AGAP1: variants seen among roughly 807,000 people sequenced by gnomAD.
AGAP1 encodes the protein ArfGAP with GTPase domain, ankyrin repeat and PH domain 1.
In AGAP1, 29 loss-of-function variants were observed where a neutral mutation model predicts 105.3. That is an observed-to-expected ratio of 0.28 (90% CI 0.21 to 0.38). AGAP1 has a LOEUF of 0.38. Among genes scored for constraint, AGAP1 ranks in the 10% least tolerant of loss-of-function variants. AGAP1 has a pLI of 1.00. For missense variants in AGAP1, 998 were observed against 1,165.1 expected (o/e 0.86, Z 2.09); for synonymous variants, 509 against 485.9 (o/e 1.05, Z -0.63).
intron 1 of AGAP1, among the ~76,000 whole-genome samples, chr2:235,605,353 G>A (rs1945892882): frequency 1.3e-5 from 2 of 152,334 alleles, no homozygotes; most frequent in South Asian, 4.1e-4. Flanking sequence ...AGGAAAGGGA[G>A]ATTGTAACCA....
chr2:235,576,171 C>A (rs1432428435), intron 1 of AGAP1, among the ~76,000 whole-genome samples: 1 of 152,136 alleles, frequency 6.6e-6, no homozygotes, highest in Non-Finnish European at 1.5e-5. Context: ...TGGGTCCATA[C>A]CTGGCGCAAC....
intron 1 of AGAP1, among the ~76,000 whole-genome samples, chr2:235,536,747 G>A (rs1161801735): frequency 6.6e-6 from 1 of 151,874 alleles, no homozygotes; most frequent in Non-Finnish European, 1.5e-5. Flanking sequence ...AGTCTGTTTG[G>A]CATCCCCAAG....
chr2:236,025,099 T>A (rs2057010525), intron 13 of AGAP1, among the ~76,000 whole-genome samples: 2 of 152,230 alleles, frequency 1.3e-5, no homozygotes, highest in African/African-American at 4.8e-5. Flanking sequence ...ATGCTTTTAA[T>A]AGATATACCA....
At chr2:235,680,725 C>G (rs1949019663) in intron 1 of AGAP1, among the ~76,000 whole-genome samples, 1 of 151,838 alleles carries the variant, frequency 6.6e-6, no homozygotes, top group Non-Finnish European at 1.5e-5. Context: ...TGAGCTTCTC[C>G]TTGTTGGGAA....
At chr2:235,978,225 A>C (rs1328731665) in intron 13 of AGAP1, among the ~76,000 whole-genome samples, 1 of 152,250 alleles carries the variant, frequency 6.6e-6, no homozygotes, top group Non-Finnish European at 1.5e-5. Flanking sequence ...ACAAACATTC[A>C]GTCTGTAGGA....
intron 6 of AGAP1, among the ~76,000 whole-genome samples, chr2:235,774,628 T>C (rs913374252): frequency 1.3e-5 from 2 of 152,224 alleles, no homozygotes; most frequent in African/African-American, 4.8e-5. Flanking sequence ...GTGATTAAAA[T>C]AGTCGTTAGG....
rs2059709170 is a variant in AGAP1 at position 236,113,847 on chromosome 2, T to G, written c.2115-6345T>G. 6.6e-6 allele frequency among the ~76,000 whole-genome samples: 1 copy of G among 152,190 alleles called. No individual in the cohort carries two copies. The highest frequency in any genetic ancestry group is 2.4e-5 in the African/African-American group (1 of 41,444). ...CTGGCTGTCCCTGTGGATGGCTTCC[T>G]GTCATGGCCCAGAGAGAGGTAAAGA... On this transcript the variant is annotated intron_variant, in intron 16 of 17. Coordinates refer to ENST00000304032, the MANE Select transcript of AGAP1 (RefSeq NM_001037131.3). The surrounding 1 kb of genome is among the most constrained non-coding windows in gnomAD (Gnocchi z 4.3).
intron 12 of AGAP1, among the ~76,000 whole-genome samples, chr2:235,935,339 A>G (rs1289625308): frequency 1.3e-5 from 2 of 152,202 alleles, no homozygotes; most frequent in Admixed American, 6.5e-5. Context: ...AATTTTTTAA[A>G]TGCAGAAACA....
At chr2:235,857,587 G>A (rs1343402570) in intron 9 of AGAP1, among the ~76,000 whole-genome samples, 1 of 152,192 alleles carries the variant, frequency 6.6e-6, no homozygotes, top group East Asian at 1.9e-4. Flanking sequence ...GATACACCAA[G>A]AACATGGATG....
chr2:235,829,755 G>A lies in AGAP1; in HGVS notation c.1050+22424G>A, dbSNP rs966691960. Among the ~76,000 whole-genome samples the A allele has an allele frequency of 2.0e-5, 3 of 152,186 alleles. No homozygotes were observed. In the East Asian group the frequency reaches 5.8e-4, roughly 29 times the overall value. ...CCTGATGGTATCGTCCATCCTTGCA[G>A]CAGTGGGTGGCCCCTCTGTGCTGGG... On this transcript the variant is annotated intron_variant, in intron 9 of 17. Coordinates refer to ENST00000304032, the MANE Select transcript of AGAP1 (RefSeq NM_001037131.3).
rs985196129 is a variant in AGAP1 at position 235,622,185 on chromosome 2, T to A, written c.164-86994T>A. Among the ~76,000 whole-genome samples, 2 of 152,222 alleles carry A rather than the reference T, an allele frequency of 1.3e-5. No individual in the cohort carries two copies. The highest frequency in any genetic ancestry group is 4.8e-5 in the African/African-American group (2 of 41,452). On this transcript the variant is annotated intron_variant, in intron 1 of 17. Transcript: ENST00000304032. The surrounding 1 kb of genome is among the most constrained non-coding windows in gnomAD (Gnocchi z 5.0). ...AAAGTAGCTTAGGTTTTATAAAAGC[T>A]GATGTTCTTCATGCTCTTCCCAATT... is the stretch of plus-strand genomic sequence containing the variant.
intron 1 of AGAP1, among the ~76,000 whole-genome samples, chr2:235,495,152 C>T (rs1371523019): frequency 6.6e-6 from 1 of 152,176 alleles, no homozygotes; most frequent in East Asian, 1.9e-4. Flanking sequence ...GCGTCCCGGC[C>T]CAGCAGACGC....
chr2:235,557,400 G>A lies in AGAP1; in HGVS notation c.163+62551G>A, dbSNP rs554804735. On this transcript the variant is annotated intron_variant, in intron 1 of 17. Transcript: ENST00000304032. This position sits in a 1 kb window ranked among gnomAD's most constrained non-coding sequence, Gnocchi z 4.7. ...CGCCGTTGGGAAGGGAAATCACTCC[G>A]AAGACGGTGATGCTGGGTACAGGCT... is the stretch of plus-strand genomic sequence containing the variant. Among the ~76,000 whole-genome samples, 108 of 152,262 alleles carry A rather than the reference G, an allele frequency of 7.1e-4. No individual in the cohort carries two copies. The highest frequency in any genetic ancestry group is 1.6e-4 in the Non-Finnish European group (11 of 68,018).
Position 235,551,498 on chromosome 2 carries a change from A to G in AGAP1, c.163+56649A>G, listed in dbSNP as rs1943808277. Among the ~76,000 whole-genome samples the G allele has an allele frequency of 6.6e-6, 1 of 151,966 alleles. No homozygotes were observed. Among genetic ancestry groups the G allele is most frequent in the African/African-American group, 2.4e-5 (1 of 41,376 alleles). On this transcript the variant is annotated intron_variant, in intron 1 of 17. Transcript: ENST00000304032. This position sits in a 1 kb window ranked among gnomAD's most constrained non-coding sequence, Gnocchi z 4.8. Reference sequence around the variant, plus strand: ...TTTTTTTTGTAGAGACGGGTCGTCCAGTGATACTCAGATTGGTCTCTAACT... The same window carrying G: ...TTTTTTTTGTAGAGACGGGTCGTCCGGTGATACTCAGATTGGTCTCTAACT...
rs1559503832 is a variant in AGAP1 at position 235,801,312 on chromosome 2, TGGA to T, written c.957+1796_957+1798del. The stretch of plus-strand genomic sequence containing the variant: ...CAGTGGGGCTTCCGGGAAGACTTCC[TGGA>T]GGAGGCAGAAGAGATCTGGTGGCAT... On this transcript the variant is annotated intron_variant, in intron 8 of 17. Coordinates refer to ENST00000304032, the MANE Select transcript of AGAP1 (RefSeq NM_001037131.3). This position sits in a 1 kb window ranked among gnomAD's most constrained non-coding sequence, Gnocchi z 6.0. 6.6e-6 allele frequency among the ~76,000 whole-genome samples: 1 copy of T among 152,156 alleles called. No individual in the cohort carries two copies. Among genetic ancestry groups the T allele is most frequent in the African/African-American group, 2.4e-5 (1 of 41,438 alleles).
chr2:235,881,985 C>A (rs1294483267), intron 9 of AGAP1, among the ~76,000 whole-genome samples: 1 of 152,036 alleles, frequency 6.6e-6, no homozygotes, highest in South Asian at 2.1e-4. Flanking sequence ...TAAAAAAATT[C>A]TGCTTTACAA....
Position 235,608,096 on chromosome 2 carries a change from G to A in AGAP1, c.164-101083G>A, listed in dbSNP as rs556482778. On this transcript the variant is annotated intron_variant, in intron 1 of 17. Coordinates refer to ENST00000304032, the MANE Select transcript of AGAP1 (RefSeq NM_001037131.3). The surrounding 1 kb of genome is among the most constrained non-coding windows in gnomAD (Gnocchi z 5.4). ...GTGGGCGGGTTGGCATCGTCTGCAC[G>A]TTGACCGGGTCGTTTTTAGCTTTGC... Among the ~76,000 whole-genome samples, 24 of 152,266 alleles carry A rather than the reference G, an allele frequency of 1.6e-4. No individual in the cohort carries two copies. Among genetic ancestry groups the A allele is most frequent in the African/African-American group, 4.6e-4 (19 of 41,564 alleles).
At chr2:235,722,609 C>T (rs1575227996) in intron 3 of AGAP1, among the ~76,000 whole-genome samples, 1 of 152,134 alleles carries the variant, frequency 6.6e-6, no homozygotes, top group East Asian at 1.9e-4. Flanking sequence ...AGGACACCAG[C>T]CATTGGATTT....
intron 9 of AGAP1, among the ~76,000 whole-genome samples, chr2:235,859,660 A>G (rs945652058): frequency 6.6e-6 from 1 of 151,942 alleles, no homozygotes; most frequent in Middle Eastern, 3.4e-3. Context: ...GGAAGGCCTT[A>G]GAGTTATTTT....
Sources: gnomAD v4.1 joint callset for allele counts (sites outside exome capture counted in the v4.1 genomes callset) on GRCh38, gnomAD v4.1.1 for gene constraint, Gnocchi (gnomAD v3.1) non-coding constraint, MANE v1.5 for transcripts, NCBI Gene and HGNC (gene_info 2026-07-23, HGNC 2026-07-21) for gene names.